Variants in TNFAIP8 observed in about 807,000 individuals in gnomAD.
TNFAIP8 encodes the protein TNF alpha induced protein 8.
In TNFAIP8, 7 loss-of-function variants were observed where a neutral mutation model predicts 13.3. The ratio of observed to expected loss-of-function variants is 0.52; its 90% confidence interval spans 0.30 to 0.99. The LOEUF (loss-of-function observed/expected upper bound fraction) is 0.99. Ranked by LOEUF, TNFAIP8 falls within the 50% of genes least tolerant of loss-of-function variation. The probability of loss-of-function intolerance (pLI) is 0.07; values close to 1 mark genes in which losing one functional copy is unlikely to be tolerated. For missense variants in TNFAIP8, 258 were observed against 236.9 expected, an observed-to-expected ratio of 1.09 and a Z score of -0.58; for synonymous variants, 94 against 87.6, an observed-to-expected ratio of 1.07 and a Z score of -0.41.
chr5:119,284,173 C>T (rs73248981), intron 1 of TNFAIP8, among the ~76,000 whole-genome samples: 1,541 of 152,196 alleles, frequency 0.01, 17 homozygotes, highest in African/African-American at 0.035. Flanking sequence ...AGTTGTTACC[C>T]AAGGTCAGAG....
intron 1 of TNFAIP8, chr5:119,316,341 G>GT (rs1278309053): frequency 6.6e-6 from 1 of 151,916 alleles, no homozygotes; most frequent in Non-Finnish European, 1.5e-5. Flanking sequence ...CATATTTTTT[G>GT]TAAGAAACGG....
chr5:119,342,409 T>C (rs1467740293), intron 1 of TNFAIP8, among the ~76,000 whole-genome samples: 1 of 152,250 alleles, frequency 6.6e-6, no homozygotes, highest in East Asian at 1.9e-4. Context: ...TTGTAAGAGC[T>C]GGGTGTCACC....
At chr5:119,286,711 C>T (rs539044913) in intron 1 of TNFAIP8, among the ~76,000 whole-genome samples, 2 of 151,958 alleles carry the variant, frequency 1.3e-5, no homozygotes, top group South Asian at 4.2e-4. Flanking sequence ...TGCATTTGGG[C>T]AATGTTTGTG....
intron 1 of TNFAIP8, among the ~76,000 whole-genome samples, chr5:119,358,278 T>A (rs1174940198): frequency 6.6e-6 from 1 of 152,186 alleles, no homozygotes; most frequent in Non-Finnish European, 1.5e-5. Context: ...ACTAGTATAC[T>A]TTGGGGTTGA....
chr5:119,361,115 A>G (rs1269009463), intron 1 of TNFAIP8, among the ~76,000 whole-genome samples: 2 of 152,220 alleles, frequency 1.3e-5, no homozygotes, highest in African/African-American at 4.8e-5. Context: ...AGAATGTGCT[A>G]TTGCAAAAGC....
chr5:119,317,250 G>A (rs1479994555), intron 1 of TNFAIP8, among the ~76,000 whole-genome samples: 2 of 152,112 alleles, frequency 1.3e-5, no homozygotes, highest in Admixed American at 6.5e-5. Context: ...TGGCTTGGAA[G>A]AAGACCCAAG....
chr5:119,393,417 T>G lies in TNFAIP8; in HGVS notation c.*36T>G. On this transcript the variant is annotated 3_prime_UTR_variant, in exon 2 of 2. Coordinates refer to ENST00000504771, the MANE Select transcript of TNFAIP8 (RefSeq NM_014350.4). ...TAAGATTGTGACTGATCATGATTTATTTGAAGATGGAGCACTGCTGATTTA... is the reference window on the plus strand; with the variant it reads ...TAAGATTGTGACTGATCATGATTTAGTTGAAGATGGAGCACTGCTGATTTA... 1 of 1,558,668 alleles carries G rather than the reference T, an allele frequency of 6.4e-7. No individual in the cohort carries two copies. The highest frequency in any genetic ancestry group is 8.8e-7 in the Non-Finnish European group (1 of 1,142,528).
chr5:119,321,893 G>A (rs1750068993), intron 1 of TNFAIP8, among the ~76,000 whole-genome samples: 2 of 152,058 alleles, frequency 1.3e-5, no homozygotes, highest in Non-Finnish European at 1.5e-5. Flanking sequence ...TCCCCTTCAT[G>A]TGGCCTCTGC....
At chr5:119,383,848 T>A (rs909472709) in intron 1 of TNFAIP8, among the ~76,000 whole-genome samples, 8 of 152,204 alleles carry the variant, frequency 5.3e-5, no homozygotes, top group African/African-American at 1.9e-4. Context: ...TATAAACTGC[T>A]CAAGTTCTTC....
At chr5:119,325,084 A>T (rs1750179776) in intron 1 of TNFAIP8, among the ~76,000 whole-genome samples, 1 of 145,398 alleles carries the variant, frequency 6.9e-6, no homozygotes, top group African/African-American at 2.5e-5. Context: ...AATAAAAAAT[A>T]AAAAAAAAAA....
intron 1 of TNFAIP8, among the ~76,000 whole-genome samples, chr5:119,332,474 T>G (rs972720912): frequency 1.3e-5 from 2 of 152,176 alleles, no homozygotes; most frequent in Admixed American, 6.5e-5. Context: ...TGCTAGGTGC[T>G]TGGTAGTTTC....
At chr5:119,351,507 T>C (rs1421149742), upstream of TNFAIP8, among the ~76,000 whole-genome samples, 2 of 152,212 alleles carry the variant, frequency 1.3e-5, no homozygotes, top group East Asian at 1.9e-4. Flanking sequence ...TGTAGGCTAA[T>C]GTAAGTGTTC....
At chr5:119,325,207 T>A (rs903235541) in intron 1 of TNFAIP8, among the ~76,000 whole-genome samples, 2 of 152,236 alleles carry the variant, frequency 1.3e-5, no homozygotes, top group South Asian at 2.1e-4. Context: ...CCCCGCGCAG[T>A]TTCCTTGCAC....
intron 1 of TNFAIP8, among the ~76,000 whole-genome samples, chr5:119,350,977 T>A (rs1383284972): frequency 6.7e-6 from 1 of 148,616 alleles, no homozygotes; most frequent in South Asian, 2.1e-4. Context: ...TGTGTGTGTG[T>A]GTAGAGAGAG....
intron 1 of TNFAIP8, among the ~76,000 whole-genome samples, chr5:119,275,425 G>A (rs1023798771): frequency 6.6e-6 from 1 of 152,110 alleles, no homozygotes; most frequent in Non-Finnish European, 1.5e-5. Flanking sequence ...ACTGGGATGG[G>A]CATCCTTATT....
In TNFAIP8 at chr5:119,323,284, T is replaced by C. The variant is rs150017871; in HGVS notation, c.1+54377T>C. Among the ~76,000 whole-genome samples the C allele has an allele frequency of 2.3e-3, 356 of 152,328 alleles. 1 individual carries two copies. Among genetic ancestry groups the C allele is most frequent in the African/African-American group, 8.3e-3 (343 of 41,570 alleles). On this transcript the variant is annotated intron_variant, in intron 1 of 1. Transcript: ENST00000274456. ...ATTAGAGTTTTGATAAAATCTAAACTTTTTAACAGGGCTTATAAGATCCTT... is the reference window on the plus strand; with the variant it reads ...ATTAGAGTTTTGATAAAATCTAAACCTTTTAACAGGGCTTATAAGATCCTT...
At chr5:119,348,757 G>A (rs959326919) in intron 1 of TNFAIP8, among the ~76,000 whole-genome samples, 4 of 151,946 alleles carry the variant, frequency 2.6e-5, no homozygotes, top group Non-Finnish European at 4.4e-5. Flanking sequence ...GCACATGCCT[G>A]TAATCTCAGC....
intron 1 of TNFAIP8, among the ~76,000 whole-genome samples, chr5:119,363,586 TGGGC>T (rs1330341704): frequency 2.6e-5 from 4 of 152,336 alleles, no homozygotes; most frequent in East Asian, 1.9e-4. Flanking sequence ...CAAGTGAATA[TGGGC>T]AGGAAATTTA....
At chr5:119,334,156 G>GAAAAAAAA (rs1562005111) in intron 1 of TNFAIP8, among the ~76,000 whole-genome samples, 1 of 147,218 alleles carries the variant, frequency 6.8e-6, no homozygotes, top group African/African-American at 2.5e-5. Flanking sequence ...AAAAAAAAAC[G>GAAAAAAAA]GTTTACCTTA....
Sources: gnomAD v4.1 joint callset for allele counts (sites outside exome capture counted in the v4.1 genomes callset) on GRCh38, gnomAD v4.1.1 for gene constraint, MANE v1.5 for transcripts, NCBI Gene and HGNC (gene_info 2026-07-23, HGNC 2026-07-21) for gene names.